KIAA1328: variants seen among roughly 807,000 people sequenced by gnomAD.
KIAA1328 encodes the protein KIAA1328, also known as protein hinderin.
In KIAA1328, 52 loss-of-function variants were observed where a neutral mutation model predicts 68.1. The observed-to-expected ratio is 0.76, with a 90% CI of 0.61 to 0.96. The LOEUF is 0.96. KIAA1328 is among the 40% of genes least tolerant of loss of function. KIAA1328 has a pLI of 0.00. For missense variants in KIAA1328, 641 were observed against 677.6 expected (o/e 0.95, Z 0.60); for synonymous variants, 232 against 239.4 (o/e 0.97, Z 0.28).
intron 6 of KIAA1328, among the ~76,000 whole-genome samples, chr18:37,051,682 C>T (rs1385668768): frequency 6.6e-6 from 1 of 152,090 alleles, no homozygotes; most frequent in African/African-American, 2.4e-5. Flanking sequence ...GGAGGAATTC[C>T]TCCCCAACTC....
chr18:37,026,033 AAG>A lies in KIAA1328; in HGVS notation c.577-40856_577-40855del, dbSNP rs538326932. Among the ~76,000 whole-genome samples, 104 of 152,306 alleles carry A rather than the reference AAG, an allele frequency of 6.8e-4. 1 individual carries two copies. The East Asian group carries it at 0.02, about 29-fold the overall frequency. ...CAATAGACGCAATAAAAAATGATAA[AAG>A]GGGATATCACCACCAATCCCACAGA... is the stretch of plus-strand genomic sequence containing the variant. On this transcript the variant is annotated intron_variant, in intron 6 of 9. Transcript: ENST00000280020.
chr18:36,863,475 T>C (rs912791633), intron 4 of KIAA1328, among the ~76,000 whole-genome samples: 19 of 152,176 alleles, frequency 1.2e-4, no homozygotes, highest in African/African-American at 4.6e-4. Context: ...CTCTATTCTT[T>C]TTCAAAATTA....
rs1415661448 is a variant in KIAA1328, at chr18:37,222,256, G to A, written c.*29G>A. ...ATTGCAAAATTTTCTTAGGAAATTTGTGGGTTTCCTCACATACTGATCTAG... is the reference window on the plus strand; with the variant it reads ...ATTGCAAAATTTTCTTAGGAAATTTATGGGTTTCCTCACATACTGATCTAG... On this transcript the variant is annotated 3_prime_UTR_variant, in exon 10 of 10. Transcript: ENST00000280020. 16 of 1,550,740 alleles carry A rather than the reference G, an allele frequency of 1.0e-5. No individual in the cohort carries two copies. The highest frequency in any genetic ancestry group is 1.3e-5 in the Non-Finnish European group (15 of 1,146,892).
At chr18:36,903,440 T>A in intron 5 of KIAA1328, among the ~76,000 whole-genome samples, 1 of 152,094 alleles carries the variant, frequency 6.6e-6, no homozygotes, top group East Asian at 1.9e-4. Flanking sequence ...TGATTAGGTC[T>A]TTCCAGTGGG....
intron 7 of KIAA1328, among the ~76,000 whole-genome samples, chr18:37,108,131 A>G (rs1392506532): frequency 3.9e-5 from 6 of 152,228 alleles, no homozygotes; most frequent in Non-Finnish European, 8.8e-5. Context: ...CCAGGTACCT[A>G]TCAGTGGTAG....
chr18:37,120,079 G>T (rs906937954), intron 7 of KIAA1328, among the ~76,000 whole-genome samples: 2 of 152,072 alleles, frequency 1.3e-5, no homozygotes, highest in African/African-American at 4.8e-5. Flanking sequence ...AACTTTCCTG[G>T]AAATCTAAAA....
chr18:37,211,453 T>C (rs1332562336), intron 9 of KIAA1328, among the ~76,000 whole-genome samples: 1 of 152,200 alleles, frequency 6.6e-6, no homozygotes, highest in Admixed American at 6.5e-5. Context: ...TTCTGGCCAG[T>C]CAGATATAAG....
rs747766336 is a variant in KIAA1328 at position 36,844,252 on chromosome 18, A to G, written c.282A>G (p.Leu94=). The change falls in exon 4 of 10, where the codon TTA becomes TTG. Residue 94 remains leucine, a synonymous_variant. Coordinates refer to ENST00000280020, the MANE Select transcript of KIAA1328 (RefSeq NM_020776.3). Reference sequence around the variant, plus strand: ...TAAAGAGTGCATCATTGAAGGATTTATGTCTTGAAGACAAAAGACGCATTG... The same window carrying G: ...TAAAGAGTGCATCATTGAAGGATTTGTGTCTTGAAGACAAAAGACGCATTG... ...GEIKSASLKD[L]CLEDKRRIAN... 2 of 1,607,534 alleles carry G rather than the reference A, an allele frequency of 1.2e-6. No homozygotes were observed. Among genetic ancestry groups the G allele is most frequent in the Non-Finnish European group, 8.5e-7 (1 of 1,176,962 alleles).
intron 9 of KIAA1328, among the ~76,000 whole-genome samples, chr18:37,175,703 A>G (rs939541434): frequency 5.3e-5 from 8 of 152,192 alleles, no homozygotes; most frequent in African/African-American, 1.9e-4. Flanking sequence ...TTCAAAGTGT[A>G]GAAAAGACAT....
At chr18:37,017,411 A>G (rs8083717) in intron 6 of KIAA1328, among the ~76,000 whole-genome samples, 140,105 of 152,174 alleles carry the variant, frequency 0.92, 65,612 homozygotes, top group East Asian at 1. Flanking sequence ...TATGTTCTGT[A>G]TGCAGATGAG....
At chr18:37,201,353 C>T (rs947670848) in intron 9 of KIAA1328, among the ~76,000 whole-genome samples, 1 of 151,860 alleles carries the variant, frequency 6.6e-6, no homozygotes. Flanking sequence ...AAATCAGGTT[C>T]TTTTTTTTCT....
chr18:37,148,442 A>G (rs1275823175), intron 7 of KIAA1328, among the ~76,000 whole-genome samples: 41 of 152,174 alleles, frequency 2.7e-4, no homozygotes, highest in Admixed American at 6.5e-5. Flanking sequence ...GAACATATGC[A>G]TACATGTTAT....
chr18:37,101,542 T>G (rs1260975570), intron 7 of KIAA1328, among the ~76,000 whole-genome samples: 1 of 152,186 alleles, frequency 6.6e-6, no homozygotes, highest in African/African-American at 2.4e-5. Context: ...TACATCTGAT[T>G]GGTGTACCTG....
At chr18:36,945,802 G>A (rs749413972) in intron 5 of KIAA1328, among the ~76,000 whole-genome samples, 3 of 151,948 alleles carry the variant, frequency 2.0e-5, no homozygotes, top group Non-Finnish European at 2.9e-5. Context: ...GAAGAGAGAG[G>A]GTGTGGTTGT....
chr18:36,925,390 C>G (rs1383088602), intron 5 of KIAA1328, among the ~76,000 whole-genome samples: 3 of 152,086 alleles, frequency 2.0e-5, no homozygotes, highest in African/African-American at 4.8e-5. Flanking sequence ...GTTTTGTAGA[C>G]CATGAATTGA....
rs552561978 is a variant in KIAA1328 at position 37,112,885 on chromosome 18, G to A, written c.1232+45340G>A. 5.7e-4 allele frequency among the ~76,000 whole-genome samples: 87 copies of A among 152,246 alleles called. No individual in the cohort carries two copies. The South Asian group carries it at 0.017, about 30-fold the overall frequency. Reference sequence around the variant, plus strand: ...ATGCACAAGCTTCAGTAGCTGATTCGATCAAGTGGAAGAAAGGGTGTCAGT... The same window carrying A: ...ATGCACAAGCTTCAGTAGCTGATTCAATCAAGTGGAAGAAAGGGTGTCAGT... On this transcript the variant is annotated intron_variant, in intron 7 of 9. Coordinates refer to ENST00000280020, the MANE Select transcript of KIAA1328 (RefSeq NM_020776.3).
chr18:37,082,166 ATT>A (rs34106395), intron 7 of KIAA1328, among the ~76,000 whole-genome samples: 10 of 100,420 alleles, frequency 1.0e-4, no homozygotes, highest in Admixed American at 2.5e-4. Flanking sequence ...TGCCCCAAGG[ATT>A]TTTTTTTTTT....
chr18:37,033,027 T>A (rs1243493967), intron 6 of KIAA1328, among the ~76,000 whole-genome samples: 1 of 152,248 alleles, frequency 6.6e-6, no homozygotes, highest in African/African-American at 2.4e-5. Context: ...CTTACTCTTA[T>A]GATCTTTCTT....
chr18:36,911,093 G>A (rs79346521), intron 5 of KIAA1328, among the ~76,000 whole-genome samples: 1,656 of 152,128 alleles, frequency 0.011, 19 homozygotes, highest in Middle Eastern at 0.041. Flanking sequence ...TGCATCCTCC[G>A]TTTGGCAGAA....
Sources: allele counts gnomAD v4.1 joint callset (sites outside exome capture counted in the v4.1 genomes callset), GRCh38; gene constraint gnomAD v4.1.1; transcripts MANE v1.5; gene names NCBI Gene and HGNC (gene_info 2026-07-23, HGNC 2026-07-21).